ABHD5: variants seen among roughly 807,000 people sequenced by gnomAD.
ABHD5 encodes abhydrolase domain containing 5, lysophosphatidic acid acyltransferase.
In ABHD5, 30 loss-of-function variants were observed where a neutral mutation model predicts 44.9. The observed-to-expected ratio is 0.67, with a 90% CI of 0.50 to 0.91. The LOEUF (loss-of-function observed/expected upper bound fraction) is 0.91. Ranked by LOEUF, ABHD5 falls within the 40% of genes least tolerant of loss-of-function variation. The probability of loss-of-function intolerance (pLI) is 0.00; values close to 1 mark genes in which losing one functional copy is unlikely to be tolerated. For missense variants in ABHD5, 399 were observed against 423.4 expected (o/e 0.94, Z 0.50); for synonymous variants, 167 against 147.0 (o/e 1.14, Z -0.99).
intron 3 of ABHD5, among the ~76,000 whole-genome samples, chr3:43,709,963 A>C (rs539074615): frequency 5.9e-5 from 9 of 152,298 alleles, no homozygotes; most frequent in Admixed American, 5.9e-4. Flanking sequence ...GAATCACTTG[A>C]ACCTGGGAGG....
intron 1 of ABHD5, 80 bp downstream of exon 1, chr3:43,691,119 C>CA: frequency 7.5e-7 from 1 of 1,338,280 alleles, no homozygotes; most frequent in Non-Finnish European, 9.7e-7. Flanking sequence ...CAGCGGGCAG[C>CA]ACCAAGGAGT....
intron 2 of ABHD5, chr3:43,699,607 G>T (rs2084514994): frequency 4.7e-6 from 2 of 430,104 alleles, no homozygotes; most frequent in East Asian, 4.2e-5. Flanking sequence ...AAGGAGATTT[G>T]TTTATGGGCT....
At chr3:43,704,463 T>C (rs1177859718) in intron 3 of ABHD5, among the ~76,000 whole-genome samples, 1 of 152,236 alleles carries the variant, frequency 6.6e-6, no homozygotes, top group Non-Finnish European at 1.5e-5. Flanking sequence ...GGAGTTGAAC[T>C]TCCTTTGTTT....
At chr3:43,693,271 G>C (rs1465495310) in intron 1 of ABHD5, among the ~76,000 whole-genome samples, 1 of 152,146 alleles carries the variant, frequency 6.6e-6, no homozygotes, top group Non-Finnish European at 1.5e-5. Flanking sequence ...TTTTGCCAAC[G>C]GTTGGCAGCT....
In ABHD5 at chr3:43,722,358, G is replaced by T. The variant is rs571655685; in HGVS notation, c.*3826G>T. 21 of 152,292 alleles carry T rather than the reference G, an allele frequency of 1.4e-4. No homozygotes were observed. The highest frequency in any genetic ancestry group is 3.4e-3 in the Middle Eastern group (1 of 294). The allele number at this position is 152,292 out of a possible 1,614,324, so 9.4% of individuals were successfully genotyped here. ...GAGAATGTATGGTGTGCTGTCTGTTGTATAACGAAGAGACAAATGGAAAAA... is the reference window on the plus strand; with the variant it reads ...GAGAATGTATGGTGTGCTGTCTGTTTTATAACGAAGAGACAAATGGAAAAA... On this transcript the variant is annotated 3_prime_UTR_variant, in exon 7 of 7. Coordinates refer to ENST00000644371, the MANE Select transcript of ABHD5 (RefSeq NM_016006.6).
intron 2 of ABHD5, 136 bp from the exon 3 acceptor site, chr3:43,702,079 T>A: frequency 1.3e-6 from 1 of 773,998 alleles, no homozygotes; most frequent in Non-Finnish European, 2.0e-6. Context: ...GTGTACTTTT[T>A]AAAAATAGCT....
rs2084833354 is a variant in ABHD5, at chr3:43,721,326, C to T, written c.*2794C>T. The T allele has an allele frequency of 6.6e-6, 1 of 151,964 alleles. No individual in the cohort carries two copies. The highest frequency in any genetic ancestry group is 1.5e-5 in the Non-Finnish European group (1 of 68,000). 9.4% of individuals were successfully genotyped at this position (151,964 alleles called of 1,614,324 possible). A position where few individuals can be genotyped will look rare whatever the true frequency, so the allele number is the denominator to read the frequency against. On this transcript the variant is annotated 3_prime_UTR_variant, in exon 7 of 7. Coordinates refer to ENST00000644371, the MANE Select transcript of ABHD5 (RefSeq NM_016006.6). ...CAAAGACCCAATTTTTAAAATGAAACCCTCTTTCTAACTAGAAGAAAACAT... is the reference window on the plus strand; with the variant it reads ...CAAAGACCCAATTTTTAAAATGAAATCCTCTTTCTAACTAGAAGAAAACAT...
chr3:43,700,378 A>T (rs2084526910), intron 2 of ABHD5, among the ~76,000 whole-genome samples: 1 of 152,078 alleles, frequency 6.6e-6, no homozygotes, highest in South Asian at 2.1e-4. Flanking sequence ...TGTTCTGCTG[A>T]TTCTACTTAA....
rs1329918527 is a variant in ABHD5, at chr3:43,720,051, AAAC to A, written c.*1521_*1523del. The A allele has an allele frequency of 1.3e-5, 2 of 152,236 alleles. No homozygotes were observed. The highest frequency in any genetic ancestry group is 4.8e-5 in the African/African-American group (2 of 41,462). 9.4% of individuals were successfully genotyped at this position (152,236 alleles called of 1,614,324 possible). ...GACAAATTATACTGAAGCATGATAT[AAAC>A]ATCTTCCCAATGAACAATTTGTCTC... is the stretch of plus-strand genomic sequence containing the variant. On this transcript the variant is annotated 3_prime_UTR_variant, in exon 7 of 7. Coordinates refer to ENST00000644371, the MANE Select transcript of ABHD5 (RefSeq NM_016006.6).
At chr3:43,698,857 C>G (rs2084504492) in intron 1 of ABHD5, among the ~76,000 whole-genome samples, 1 of 152,238 alleles carries the variant, frequency 6.6e-6, no homozygotes, top group Admixed American at 6.5e-5. Flanking sequence ...TTTCTCAACC[C>G]CCATAGAGGT....
chr3:43,726,922 C>A (rs145106787), downstream of ABHD5, among the ~76,000 whole-genome samples: 110 of 152,296 alleles, frequency 7.2e-4, no homozygotes, highest in African/African-American at 2.6e-3. Flanking sequence ...TCGGGCAGTT[C>A]ATTTGGTTGG....
chr3:43,712,450 T>C lies in ABHD5; in HGVS notation c.661+587T>C, dbSNP rs142451992. 6.9e-4 allele frequency among the ~76,000 whole-genome samples: 105 copies of C among 152,294 alleles called. 2 individuals carry two copies. Among genetic ancestry groups the C allele is most frequent in the African/African-American group, 2.3e-3 (97 of 41,578 alleles). Reference sequence around the variant, plus strand: ...TGAGGCACCAGTGTTTAGTCCCTGATTGACTTTTATTTGACTCTCAGCAGT... The same window carrying C: ...TGAGGCACCAGTGTTTAGTCCCTGACTGACTTTTATTTGACTCTCAGCAGT... On this transcript the variant is annotated intron_variant, in intron 4 of 6. Coordinates refer to ENST00000644371, the MANE Select transcript of ABHD5 (RefSeq NM_016006.6).
At chr3:43,714,426 C>G (rs1290245102) in intron 4 of ABHD5, among the ~76,000 whole-genome samples, 2 of 152,168 alleles carry the variant, frequency 1.3e-5, no homozygotes, top group African/African-American at 4.8e-5. Flanking sequence ...AGCCATCACG[C>G]CTGGGTGTCC....
chr3:43,733,231 C>T (rs1005726886), intron 7 of ABHD5, among the ~76,000 whole-genome samples: 3 of 152,206 alleles, frequency 2.0e-5, no homozygotes, highest in Non-Finnish European at 4.4e-5. Flanking sequence ...AGAGCTTACT[C>T]ACTACCACAC....
upstream of ABHD5, chr3:43,690,929 G>C: frequency 2.0e-6 from 3 of 1,520,492 alleles, no homozygotes; most frequent in East Asian, 2.7e-5. Flanking sequence ...CGCCAGCCCG[G>C]GGCGGCCCAG....
At chr3:43,695,243 T>C (rs557270906) in intron 1 of ABHD5, 1 of 152,370 alleles carries the variant, frequency 6.6e-6, no homozygotes, top group Admixed American at 6.5e-5. Flanking sequence ...CCAAGTGTTA[T>C]AATTTCCAAT....
At position 43,720,552 on chromosome 3, in the gene ABHD5, G is replaced by C. The variant is rs878912236; in HGVS notation, c.*2020G>C. The C allele has an allele frequency of 6.6e-6, 1 of 152,168 alleles. No homozygotes were observed. The highest frequency in any genetic ancestry group is 6.5e-5 in the Admixed American group (1 of 15,268). 9.4% of individuals were successfully genotyped at this position (152,168 alleles called of 1,614,324 possible). ...GTATATGTAATTTTGTGAAGATTGA[G>C]CTGGAAGGGAAGTTCACAATCCTCA... On this transcript the variant is annotated 3_prime_UTR_variant, in exon 7 of 7. Coordinates refer to ENST00000644371, the MANE Select transcript of ABHD5 (RefSeq NM_016006.6).
chr3:43,721,241 A>G lies in ABHD5; in HGVS notation c.*2709A>G, dbSNP rs542691381. 3 of 150,730 alleles carry G rather than the reference A, an allele frequency of 2.0e-5. No individual in the cohort carries two copies. Among genetic ancestry groups the G allele is most frequent in the East Asian group, 3.9e-4 (2 of 5,176 alleles). 9.3% of individuals were successfully genotyped at this position (150,730 alleles called of 1,614,324 possible). On this transcript the variant is annotated 3_prime_UTR_variant, in exon 7 of 7. Coordinates refer to ENST00000644371, the MANE Select transcript of ABHD5 (RefSeq NM_016006.6). ...GAGAGAAGTGTGGTTAACCATTTGG[A>G]AAAAAAAATAAAATTGAATCGATTT...
At chr3:43,697,992 A>T (rs768869308) in intron 1 of ABHD5, among the ~76,000 whole-genome samples, 1 of 152,238 alleles carries the variant, frequency 6.6e-6, no homozygotes, top group African/African-American at 2.4e-5. Context: ...TTAATCACTC[A>T]GCAAACATTA....
Sources: allele counts gnomAD v4.1 joint callset (sites outside exome capture counted in the v4.1 genomes callset), GRCh38; gene constraint gnomAD v4.1.1; transcripts MANE v1.5; gene names NCBI Gene and HGNC (gene_info 2026-07-23, HGNC 2026-07-21).